SRBD1: variants seen among roughly 807,000 people sequenced by gnomAD.
SRBD1 encodes S1 RNA binding domain 1.
In SRBD1, 88 loss-of-function variants were observed where a neutral mutation model predicts 115.3. The ratio of observed to expected loss-of-function variants is 0.76; its 90% confidence interval spans 0.64 to 0.91. SRBD1 has a LOEUF of 0.91. Ranked by LOEUF, SRBD1 falls within the 40% of genes least tolerant of loss-of-function variation. SRBD1 has a pLI of 0.00. For missense variants in SRBD1, 1,385 were observed against 1,177.4 expected, an observed-to-expected ratio of 1.18 and a Z score of -2.58; for synonymous variants, 509 against 407.7, an observed-to-expected ratio of 1.25 and a Z score of -2.99.
chr2:45,587,827 ATT>A (rs1558497647), intron 4 of SRBD1, among the ~76,000 whole-genome samples: 15 of 152,180 alleles, frequency 9.9e-5, no homozygotes. Flanking sequence ...ATTTTGACAC[ATT>A]CTCTTGGAAA....
intron 16 of SRBD1, among the ~76,000 whole-genome samples, chr2:45,425,614 C>G (rs774512989): frequency 6.6e-6 from 1 of 151,926 alleles, no homozygotes; most frequent in African/African-American, 2.4e-5. Context: ...AACTGAGGTA[C>G]CTGGCTCATC....
At chr2:45,431,156 G>A (rs1668322387) in intron 16 of SRBD1, among the ~76,000 whole-genome samples, 1 of 152,188 alleles carries the variant, frequency 6.6e-6, no homozygotes, top group African/African-American at 2.4e-5. Flanking sequence ...TGGAGAGGAT[G>A]TGGAGAAACT....
chr2:45,412,947 G>A (rs1221122045), intron 19 of SRBD1, among the ~76,000 whole-genome samples, 167 bp downstream of exon 19: 1 of 152,150 alleles, frequency 6.6e-6, no homozygotes, highest in Non-Finnish European at 1.5e-5. Flanking sequence ...TCATTCCTCA[G>A]TGAAATGAAA....
intron 16 of SRBD1, among the ~76,000 whole-genome samples, chr2:45,469,363 A>AACTTG (rs1442235987): frequency 6.6e-6 from 1 of 152,226 alleles, no homozygotes; most frequent in African/African-American, 2.4e-5. Flanking sequence ...CTAGAAGGTG[A>AACTTG]ACTTGAAACT....
chr2:45,610,832 G>A (rs974734410), intron 1 of SRBD1, among the ~76,000 whole-genome samples: 1 of 152,092 alleles, frequency 6.6e-6, no homozygotes, highest in East Asian at 1.9e-4. Flanking sequence ...GGAGGCTGAG[G>A]CAGGCGAATG....
chr2:45,564,719 A>G (rs1445171484), intron 9 of SRBD1, among the ~76,000 whole-genome samples: 1 of 152,256 alleles, frequency 6.6e-6, no homozygotes, highest in African/African-American at 2.4e-5. Context: ...ACCTTTGAAC[A>G]ATACAGGTTT....
At chr2:45,582,571 C>A (rs979029831) in intron 5 of SRBD1, among the ~76,000 whole-genome samples, 1 of 152,064 alleles carries the variant, frequency 6.6e-6, no homozygotes, top group South Asian at 2.1e-4. Flanking sequence ...TTATTTATAT[C>A]ACTATAGATT....
chr2:45,414,786 A>ACAG lies in SRBD1; in HGVS notation c.2334-1494_2334-1493insCTG, dbSNP rs1558563510. On this transcript the variant is annotated intron_variant, in intron 18 of 20. Coordinates refer to ENST00000263736, the MANE Select transcript of SRBD1 (RefSeq NM_018079.5). ...GTGTATATAGTATGTACACACACACATAGTGTGTATATAGTATGTACACAC... is the reference window on the plus strand; with the variant it reads ...GTGTATATAGTATGTACACACACACACAGTAGTGTGTATATAGTATGTACACAC... Among the ~76,000 whole-genome samples the ACAG allele has an allele frequency of 1.6e-3, 120 of 73,954 alleles. 26 individuals carry two copies. Among genetic ancestry groups the ACAG allele is most frequent in the African/African-American group, 4.0e-3 (98 of 24,714 alleles). The allele number at this position is 73,954 out of a possible 152,430, so 48.5% of individuals were successfully genotyped here. A position where few individuals can be genotyped will look rare whatever the true frequency, so the allele number is the denominator to read the frequency against.
chr2:45,465,228 C>T (rs1355119707), intron 16 of SRBD1, among the ~76,000 whole-genome samples: 4 of 152,022 alleles, frequency 2.6e-5, no homozygotes, highest in African/African-American at 7.3e-5. Flanking sequence ...GGTGTAAAGG[C>T]TATTTAAATA....
At chr2:45,460,924 G>A (rs1192586508) in intron 16 of SRBD1, among the ~76,000 whole-genome samples, 1 of 152,144 alleles carries the variant, frequency 6.6e-6, no homozygotes. Context: ...CACCACTATG[G>A]AAGCAGTTTC....
intron 14 of SRBD1, among the ~76,000 whole-genome samples, chr2:45,490,350 G>A (rs1303019951): frequency 6.6e-6 from 1 of 152,046 alleles, no homozygotes; most frequent in Non-Finnish European, 1.5e-5. Context: ...TTCCCCCAAG[G>A]AAAGCTGGTT....
chr2:45,456,391 C>T (rs545070192), intron 16 of SRBD1, among the ~76,000 whole-genome samples: 3 of 151,848 alleles, frequency 2.0e-5, no homozygotes, highest in African/African-American at 7.2e-5. Flanking sequence ...AGTAAGTTAA[C>T]CCTTTTGTTT....
intron 14 of SRBD1, among the ~76,000 whole-genome samples, chr2:45,518,563 T>A (rs534587404): frequency 6.6e-6 from 1 of 152,192 alleles, no homozygotes; most frequent in Admixed American, 6.5e-5. Flanking sequence ...CAGCACCTTG[T>A]TACATGGAAA....
chr2:45,592,738 C>T (rs1673764045), intron 4 of SRBD1, among the ~76,000 whole-genome samples: 1 of 152,092 alleles, frequency 6.6e-6, no homozygotes, highest in Non-Finnish European at 1.5e-5. Flanking sequence ...GAGTCAACCC[C>T]CTTTTCAAGA....
At chr2:45,533,034 A>G (rs150769166) in intron 14 of SRBD1, among the ~76,000 whole-genome samples, 292 of 152,212 alleles carry the variant, frequency 1.9e-3, no homozygotes, top group African/African-American at 6.7e-3. Context: ...TATTCCCTCA[A>G]TAAGAAACTG....
At position 45,494,719 on chromosome 2, in the gene SRBD1, A is replaced by G. The variant is rs114312104; in HGVS notation, c.1875-6388T>C. On this transcript the variant is annotated intron_variant, in intron 14 of 20. Transcript: ENST00000263736. ...ATAACCAGCTCACTATCTACAATAT[A>G]AAATATGTGAAGTGATGCAGCAGTA... Among the ~76,000 whole-genome samples, 475 of 152,316 alleles carry G rather than the reference A, an allele frequency of 3.1e-3. 1 individual carries two copies. Among genetic ancestry groups the G allele is most frequent in the African/African-American group, 0.011 (443 of 41,568 alleles).
intron 14 of SRBD1, among the ~76,000 whole-genome samples, chr2:45,493,817 A>T (rs1422168700): frequency 2.0e-5 from 3 of 151,924 alleles, no homozygotes; most frequent in African/African-American, 4.8e-5. Flanking sequence ...AACTCAAAAA[A>T]AAAAAAAAAT....
intron 14 of SRBD1, among the ~76,000 whole-genome samples, chr2:45,541,161 C>T (rs1017957962): frequency 1.5e-4 from 23 of 152,232 alleles, no homozygotes; most frequent in African/African-American, 5.5e-4. Context: ...CCAGCTGTGG[C>T]AGGGCAGGTG....
rs148686267 is a variant in SRBD1, at chr2:45,561,889, C to A, written c.1409+764G>T. 2.3e-3 allele frequency among the ~76,000 whole-genome samples: 352 copies of A among 152,218 alleles called. 2 individuals are homozygous for A. Among genetic ancestry groups the A allele is most frequent in the African/African-American group, 8.3e-3 (345 of 41,538 alleles). ...ATCCTTAACATGCAACATTTATCCC[C>A]ACATACAGAATGCTTATTTATATTG... On this transcript the variant is annotated intron_variant, in intron 10 of 20. Coordinates refer to ENST00000263736, the MANE Select transcript of SRBD1 (RefSeq NM_018079.5).
Sources: allele counts gnomAD v4.1 joint callset (sites outside exome capture counted in the v4.1 genomes callset), GRCh38; gene constraint gnomAD v4.1.1; transcripts MANE v1.5; gene names NCBI Gene and HGNC (gene_info 2026-07-23, HGNC 2026-07-21).